The following PIK3CD variants were observed in gnomAD, a reference collection of about 807,000 sequenced individuals.
The protein encoded by PIK3CD is phosphatidylinositol 4,5-bisphosphate 3-kinase catalytic subunit delta isoform.
In PIK3CD, 20 loss-of-function variants were observed where a neutral mutation model predicts 122.9. That is an observed-to-expected ratio of 0.16 (90% CI 0.11 to 0.24). The LOEUF (loss-of-function observed/expected upper bound fraction) is 0.24, where lower values mean the gene tolerates loss of function less well. Among genes scored for constraint, PIK3CD ranks in the 10% least tolerant of loss-of-function variants. The pLI is 1.00. For synonymous variants in PIK3CD, 596 were observed against 593.4 expected (o/e 1.00, Z -0.06); for missense variants, 787 against 1,406.3 (o/e 0.56, Z 7.04).
intron 6 of PIK3CD, 99 bp downstream of exon 6, chr1:9,716,718 G>T: frequency 7.6e-7 from 1 of 1,320,592 alleles, no homozygotes; most frequent in Non-Finnish European, 1.1e-6. Flanking sequence ...CCTTGAGCCT[G>T]CCGAGCCAGG....
At chr1:9,669,577 C>T (rs183220091) in intron 1 of PIK3CD, among the ~76,000 whole-genome samples, 13 of 152,266 alleles carry the variant, frequency 8.5e-5, no homozygotes, top group African/African-American at 9.6e-5. Context: ...CTTCCTGCCT[C>T]GGCCTCGCAA....
intron 1 of PIK3CD, among the ~76,000 whole-genome samples, chr1:9,666,674 C>T (rs1295188256): frequency 1.3e-5 from 2 of 152,032 alleles, no homozygotes; most frequent in Non-Finnish European, 2.9e-5. Flanking sequence ...AGACCCTCCC[C>T]CATCTCTACA....
chr1:9,703,872 G>A (rs1264515585), intron 2 of PIK3CD, among the ~76,000 whole-genome samples: 1 of 152,178 alleles, frequency 6.6e-6, no homozygotes, highest in Non-Finnish European at 1.5e-5. Context: ...TTTCTCTGGG[G>A]TGTGTACTTT....
At chr1:9,707,287 T>C (rs1646871803) in intron 2 of PIK3CD, among the ~76,000 whole-genome samples, 1 of 151,710 alleles carries the variant, frequency 6.6e-6, no homozygotes, top group Admixed American at 6.6e-5. Context: ...CCAGCCTTCA[T>C]CTTCATCAAC....
intron 5 of PIK3CD, 44 bp from the exon 6 acceptor site, chr1:9,716,396 G>C: frequency 1.3e-6 from 2 of 1,593,264 alleles, no homozygotes. Context: ...CCAGAACCCC[G>C]GGGGGCCTCG....
intron 15 of PIK3CD, 68 bp downstream of exon 15, chr1:9,721,655 G>A: frequency 6.2e-7 from 1 of 1,609,132 alleles, no homozygotes; most frequent in Non-Finnish European, 8.5e-7. Context: ...AGGCCACTGG[G>A]GACGTTTCCA....
At chr1:9,688,471 A>G (rs1030481415) in intron 1 of PIK3CD, among the ~76,000 whole-genome samples, 1 of 152,182 alleles carries the variant, frequency 6.6e-6, no homozygotes, top group African/African-American at 2.4e-5. Flanking sequence ...CGTGAGGGTG[A>G]GAGTCCCTGC....
chr1:9,632,332 G>A, the PIK3CD span, among the ~76,000 whole-genome samples: 1 of 152,030 alleles, frequency 6.6e-6, no homozygotes, highest in Non-Finnish European at 1.5e-5. Context: ...TTTTTTTAAA[G>A]ACAGAGGGTC....
chr1:9,720,819 G>A lies in PIK3CD; in HGVS notation c.1599G>A (p.Lys533=), dbSNP rs749145163. 1.2e-6 allele frequency: 2 copies of A among 1,613,022 alleles called. No homozygotes were observed. Among genetic ancestry groups the A allele is most frequent in the African/African-American group, 1.3e-5 (1 of 74,866 alleles). The change falls in exon 13 of 24, where the codon AAG becomes AAA. Residue 533 remains lysine, a synonymous_variant. Coordinates refer to ENST00000377346, the MANE Select transcript of PIK3CD (RefSeq NM_005026.5). This position sits in a 1 kb window ranked among gnomAD's most constrained non-coding sequence, Gnocchi z 9.0. ...AGCACGAGAAGGACCTGGTGTGGAA[G>A]CTGCGGCATGAAGTCCAGGAGCACT... ...LYEHEKDLVW[K]LRHEVQEHFP...
chr1:9,654,883 A>C (rs952209929), intron 1 of PIK3CD, among the ~76,000 whole-genome samples: 4 of 151,750 alleles, frequency 2.6e-5, no homozygotes, highest in African/African-American at 9.7e-5. Flanking sequence ...AACATGGTGA[A>C]TATCTGTCTC....
At position 9,722,601 on chromosome 1, in the gene PIK3CD, C is replaced by G. The variant is rs1324429905; in HGVS notation, c.2421C>G (p.Asp807Glu). 2 of 1,613,258 alleles carry G rather than the reference C, an allele frequency of 1.2e-6. No homozygotes were observed. Among genetic ancestry groups the G allele is most frequent in the Non-Finnish European group, 1.7e-6 (2 of 1,179,538 alleles). ...TCCTGTGGAAGCAGGAGGGGCTGGACCTGAGGTGAGGACCCCCACCCCACA... is the reference window on the plus strand; with the variant it reads ...TCCTGTGGAAGCAGGAGGGGCTGGAGCTGAGGTGAGGACCCCCACCCCACA... ...MDVLWKQEGL[D>E]LRMTPYGCLP... The change falls in exon 19 of 24, where the codon GAC becomes GAG. Residue 807 changes from aspartate (D) to glutamate (E), a missense_variant. Around this residue, in one of 6 missense-constraint regions of PIK3CD, gnomAD observed 69 missense variants for 166.8 expected, o/e 0.41. Coordinates refer to ENST00000377346, the MANE Select transcript of PIK3CD (RefSeq NM_005026.5). The surrounding 1 kb of genome is among the most constrained non-coding windows in gnomAD (Gnocchi z 7.6).
intron 1 of PIK3CD, among the ~76,000 whole-genome samples, chr1:9,681,653 C>G (rs4420083): frequency 0.54 from 81,843 of 151,838 alleles, 22,578 homozygotes; most frequent in African/African-American, 0.68. Context: ...CTGCTCGCCT[C>G]CCCGCCTCGG....
At position 9,716,668 on chromosome 1, in the gene PIK3CD, A is replaced by G. The variant is rs775717915; in HGVS notation, c.780+49A>G. 94 of 1,527,624 alleles carry G rather than the reference A, an allele frequency of 6.2e-5. 1 individual carries two copies. The South Asian group carries it at 1.0e-3, about 17-fold the overall frequency. The allele number at this position is 1,527,624 out of a possible 1,614,324, so 94.6% of individuals were successfully genotyped here. A position where few individuals can be genotyped will look rare whatever the true frequency, so the allele number is the denominator to read the frequency against. On this transcript the variant is annotated intron_variant, in intron 6 of 23. Transcript: ENST00000377346. ...ACTCTGGGCTCCCAACGCCCTGGAT[A>G]GGGCCTGGGTGGGAGTCGGGGAGCT... is the stretch of plus-strand genomic sequence containing the variant.
Position 9,717,538 on chromosome 1 carries a change from C to T in PIK3CD, c.932C>T (p.Pro311Leu). 3 of 1,614,060 alleles carry T rather than the reference C, an allele frequency of 1.9e-6. No individual in the cohort carries two copies. Among genetic ancestry groups the T allele is most frequent in the Non-Finnish European group, 1.7e-6 (2 of 1,180,006 alleles). The change falls in exon 8 of 24, where the codon CCT (proline) becomes CTT (leucine). Residue 311 changes from proline (P) to leucine (L), a missense_variant and splice_region_variant. Pro to Leu is a moderately conservative substitution (Grantham distance 98). Transcript: ENST00000377346. This position sits in a 1 kb window ranked among gnomAD's most constrained non-coding sequence, Gnocchi z 5.4. ...CAGCCCTGCTTCCCCGGCCCCCAGC[C>T]TTCCTCTGTGTCCCTGTGGTCCCTG... ...AKPPPIPAKK[P>L]SSVSLWSLEQ...
upstream of PIK3CD, among the ~76,000 whole-genome samples, chr1:9,650,423 TAAAC>T (rs1043253469): frequency 6.0e-5 from 9 of 149,092 alleles, no homozygotes; most frequent in Admixed American, 6.0e-4. Flanking sequence ...TTCCTCAAAA[TAAAC>T]AAAACAAAGA....
At chr1:9,666,127 C>T (rs2100906592) in intron 1 of PIK3CD, among the ~76,000 whole-genome samples, 2 of 150,790 alleles carry the variant, frequency 1.3e-5, no homozygotes, top group East Asian at 3.9e-4. Flanking sequence ...GGGGTTTCAC[C>T]ATGTTGGCCA....
At chr1:9,662,697 T>C (rs1645043729) in intron 1 of PIK3CD, 2 of 149,158 alleles carry the variant, frequency 1.3e-5, no homozygotes, top group Admixed American at 1.3e-4. Context: ...TTCTTTCTTC[T>C]TTTTTTTTTG....
chr1:9,658,318 T>G (rs1644915673), intron 1 of PIK3CD, among the ~76,000 whole-genome samples: 1 of 148,812 alleles, frequency 6.7e-6, no homozygotes, highest in South Asian at 2.1e-4. Context: ...TCCAGGAGTT[T>G]AAGGCTGCAG....
chr1:9,723,228 A>T lies in PIK3CD; in HGVS notation c.2530A>T (p.Met844Leu), dbSNP rs200369205. The T allele has an allele frequency of 1.2e-5, 19 of 1,613,768 alleles. No homozygotes were observed. In the Admixed American group the frequency reaches 2.7e-4, roughly 23 times the overall value. The change falls in exon 20 of 24, where the codon ATG becomes TTG. Residue 844 changes from methionine to leucine, a missense_variant. By Grantham distance (15) the Met-to-Leu change is conservative. Around this residue, in one of 6 missense-constraint regions of PIK3CD, gnomAD observed 69 missense variants for 166.8 expected, o/e 0.41. Coordinates refer to ENST00000377346, the MANE Select transcript of PIK3CD (RefSeq NM_005026.5). The surrounding 1 kb of genome is among the most constrained non-coding windows in gnomAD (Gnocchi z 4.9). Reference sequence around the variant, plus strand: ...CAACATCCAACTCAACAAGAGCAACATGGCAGCCACAGCCGCCTTCAACAA... The same window carrying T: ...CAACATCCAACTCAACAAGAGCAACTTGGCAGCCACAGCCGCCTTCAACAA... ...IANIQLNKSN[M>L]AATAAFNKDA...
Sources: gnomAD v4.1 joint callset for allele counts (sites outside exome capture counted in the v4.1 genomes callset) on GRCh38, gnomAD v4.1.1 for gene constraint, gnomAD v4.1.1 regional missense constraint, Gnocchi (gnomAD v3.1) non-coding constraint, MANE v1.5 for transcripts, NCBI Gene and HGNC (gene_info 2026-07-23, HGNC 2026-07-21) for gene names.